Variants in CPA6 observed in about 807,000 individuals in gnomAD.
CPA6 encodes carboxypeptidase A6.
A neutral mutation model predicts 63.3 loss-of-function variants in CPA6; 58 were observed. The observed-to-expected ratio is 0.92, with a 90% CI of 0.74 to 1.14. CPA6 has a LOEUF of 1.14. Among genes scored for constraint, CPA6 ranks in the 50% most tolerant of loss-of-function variants. The pLI, the probability that CPA6 is intolerant of heterozygous loss-of-function variation, is 0.00. For synonymous variants in CPA6, 185 were observed against 179.0 expected (o/e 1.03, Z -0.27); for missense variants, 565 against 526.6 (o/e 1.07, Z -0.71).
At chr8:67,573,408 T>C (rs981257067) in intron 2 of CPA6, among the ~76,000 whole-genome samples, 2 of 152,210 alleles carry the variant, frequency 1.3e-5, no homozygotes, top group African/African-American at 4.8e-5. Flanking sequence ...AGAACTGATA[T>C]ACAAATTCAG....
At chr8:67,460,121 T>C (rs1009519487) in intron 8 of CPA6, among the ~76,000 whole-genome samples, 1 of 152,210 alleles carries the variant, frequency 6.6e-6, no homozygotes, top group Non-Finnish European at 1.5e-5. Flanking sequence ...CTTTTATTAA[T>C]ACTCAGCCTT....
At chr8:67,711,740 G>A (rs1587720440) in intron 1 of CPA6, among the ~76,000 whole-genome samples, 3 of 147,290 alleles carry the variant, frequency 2.0e-5, no homozygotes, top group South Asian at 2.1e-4. Flanking sequence ...AGATGGAGGG[G>A]CACCTTACAC....
chr8:67,578,183 G>A (rs1239647400), intron 2 of CPA6, among the ~76,000 whole-genome samples: 12 of 152,164 alleles, frequency 7.9e-5, no homozygotes, highest in African/African-American at 2.9e-4. Flanking sequence ...TCTAAAATAT[G>A]CAGAGAAAAG....
chr8:67,641,291 T>C (rs1407563626), intron 1 of CPA6, among the ~76,000 whole-genome samples: 2 of 151,826 alleles, frequency 1.3e-5, no homozygotes, highest in African/African-American at 4.9e-5. Context: ...CCTTGGCCTG[T>C]GGGCCATAGC....
intron 1 of CPA6, among the ~76,000 whole-genome samples, chr8:67,675,160 C>T (rs557270277): frequency 6.6e-5 from 10 of 152,134 alleles, no homozygotes; most frequent in Non-Finnish European, 1.0e-4. Flanking sequence ...AACAAACCTG[C>T]ACAGGTACTC....
At chr8:67,431,695 G>GCAA (rs1200548766) in intron 9 of CPA6, among the ~76,000 whole-genome samples, 1 of 152,072 alleles carries the variant, frequency 6.6e-6, no homozygotes, top group Admixed American at 6.6e-5. Context: ...AGCAGCAGCA[G>GCAA]CAACAAAAAC....
At chr8:67,617,134 A>T (rs1321692434) in intron 2 of CPA6, among the ~76,000 whole-genome samples, 1 of 152,256 alleles carries the variant, frequency 6.6e-6, no homozygotes, top group Non-Finnish European at 1.5e-5. Context: ...GCCGAAGGTC[A>T]TGTCAATTCA....
chr8:67,597,883 T>C (rs763307434), intron 2 of CPA6, among the ~76,000 whole-genome samples: 8 of 152,232 alleles, frequency 5.3e-5, no homozygotes, highest in Non-Finnish European at 1.0e-4. Flanking sequence ...TAATTATGTG[T>C]GGACATCACA....
intron 2 of CPA6, among the ~76,000 whole-genome samples, chr8:67,617,087 A>G (rs1295287889): frequency 6.6e-6 from 1 of 152,230 alleles, no homozygotes; most frequent in Non-Finnish European, 1.5e-5. Flanking sequence ...CTTATAATAG[A>G]AAAGAAACAC....
chr8:67,681,261 C>G, intron 1 of CPA6, among the ~76,000 whole-genome samples: 1 of 132,670 alleles, frequency 7.5e-6, no homozygotes, highest in Non-Finnish European at 1.5e-5. Flanking sequence ...GGACTGCGGA[C>G]TGCAGTGGCG....
At chr8:67,468,906 T>G (rs1810992376) in intron 8 of CPA6, among the ~76,000 whole-genome samples, 1 of 152,194 alleles carries the variant, frequency 6.6e-6, no homozygotes, top group Non-Finnish European at 1.5e-5. Flanking sequence ...CATATTTTCT[T>G]CAGGTCTCCA....
At chr8:67,446,271 A>G (rs1810413087) in intron 8 of CPA6, among the ~76,000 whole-genome samples, 1 of 151,980 alleles carries the variant, frequency 6.6e-6, no homozygotes, top group Non-Finnish European at 1.5e-5. Context: ...TCTAAAAAAA[A>G]AAAAAAAAGT....
At chr8:67,674,945 C>T (rs1041573739) in intron 1 of CPA6, among the ~76,000 whole-genome samples, 9 of 152,100 alleles carry the variant, frequency 5.9e-5, no homozygotes, top group Non-Finnish European at 1.2e-4. Context: ...ACCACGTGTT[C>T]TCACTTATAA....
At position 67,587,585 on chromosome 8, in the gene CPA6, T is replaced by C. The variant is rs533901924; in HGVS notation, c.192+36591A>G. Among the ~76,000 whole-genome samples the C allele has an allele frequency of 3.9e-5, 6 of 152,138 alleles. No individual in the cohort carries two copies. The South Asian group carries it at 1.2e-3, about 32-fold the overall frequency. Reference sequence around the variant, plus strand: ...TGTCACGTCATCATTGGTATATGGTTAGTGTGTTGGTCAGCAGGCCCAGGG... The same window carrying C: ...TGTCACGTCATCATTGGTATATGGTCAGTGTGTTGGTCAGCAGGCCCAGGG... On this transcript the variant is annotated intron_variant, in intron 2 of 10. Transcript: ENST00000297770.
intron 2 of CPA6, among the ~76,000 whole-genome samples, chr8:67,527,930 T>A (rs1050450328): frequency 3.9e-5 from 6 of 152,216 alleles, no homozygotes; most frequent in African/African-American, 1.4e-4. Context: ...CGCTGAATCA[T>A]CACTCTGTGA....
intron 8 of CPA6, among the ~76,000 whole-genome samples, chr8:67,475,835 CTT>C (rs763590064): frequency 1.8e-5 from 1 of 56,688 alleles, no homozygotes; most frequent in Non-Finnish European, 3.2e-5. Context: ...TTCTTTCTTT[CTT>C]TCTTTCTTTC....
chr8:67,655,942 A>G (rs775476553), intron 1 of CPA6, among the ~76,000 whole-genome samples: 4 of 152,070 alleles, frequency 2.6e-5, no homozygotes, highest in Non-Finnish European at 5.9e-5. Context: ...CCAAGGTTAC[A>G]TCTTACCTAT....
intron 2 of CPA6, among the ~76,000 whole-genome samples, chr8:67,587,072 G>A (rs948098537): frequency 2.0e-5 from 3 of 152,194 alleles, no homozygotes; most frequent in Non-Finnish European, 2.9e-5. Context: ...AGGATAATGG[G>A]TATTATGTTC....
intron 8 of CPA6, among the ~76,000 whole-genome samples, chr8:67,466,084 G>GT (rs561313512): frequency 0.095 from 9,116 of 95,950 alleles, 782 homozygotes; most frequent in African/African-American, 0.24. Flanking sequence ...TCTGAGGCTT[G>GT]TTTTTTTTTT....
Sources: allele counts gnomAD v4.1 joint callset (sites outside exome capture counted in the v4.1 genomes callset), GRCh38; gene constraint gnomAD v4.1.1; transcripts MANE v1.5; gene names NCBI Gene and HGNC (gene_info 2026-07-23, HGNC 2026-07-21).